CHAF1B: variants seen among roughly 807,000 people sequenced by gnomAD.
CHAF1B encodes the protein chromatin assembly factor 1 subunit B, also known as CAF-1 subunit B.
Under a neutral mutation model 60.7 loss-of-function variants are expected in CHAF1B, and 10 were observed. The observed-to-expected ratio is 0.16, with a 90% CI of 0.10 to 0.28. CHAF1B has a LOEUF of 0.28. Ranked by LOEUF, CHAF1B falls within the 10% of genes least tolerant of loss-of-function variation. CHAF1B has a pLI of 1.00. For synonymous variants in CHAF1B, 261 were observed against 266.1 expected (o/e 0.98, Z 0.19); for missense variants, 558 against 708.4 (o/e 0.79, Z 2.41).
intron 8 of CHAF1B, among the ~76,000 whole-genome samples, chr21:36,403,092 T>A (rs937633673): frequency 3.9e-5 from 6 of 152,150 alleles, no homozygotes; most frequent in Admixed American, 3.9e-4. Flanking sequence ...TAAGAAGATT[T>A]CCAAGTGATT....
At position 36,411,607 on chromosome 21, in the gene CHAF1B, G is replaced by A. The variant is rs1481353939; in HGVS notation, c.1061+3G>A. ...CACACCCTCAGTGACATTTCATGGTGAGTGGCTGCTAATGAGGGAGAGTGA... is the reference window on the plus strand; with the variant it reads ...CACACCCTCAGTGACATTTCATGGTAAGTGGCTGCTAATGAGGGAGAGTGA... On this transcript the variant is annotated splice_donor_region_variant and intron_variant, in intron 11 of 13. Coordinates refer to ENST00000314103, the MANE Select transcript of CHAF1B (RefSeq NM_005441.3). 1.2e-6 allele frequency: 2 copies of A among 1,613,970 alleles called. No homozygotes were observed. The highest frequency in any genetic ancestry group is 1.7e-5 in the Admixed American group (1 of 60,000).
At chr21:36,401,405 AT>A (rs562457790) in intron 7 of CHAF1B, among the ~76,000 whole-genome samples, 6 of 120,776 alleles carry the variant, frequency 5.0e-5, no homozygotes, top group African/African-American at 1.3e-4. Context: ...CATAATATAT[AT>A]TTTTATATTA....
chr21:36,386,003 A>G (rs1353536078), intron 1 of CHAF1B, 57 bp from the exon 2 acceptor site: 2 of 1,063,194 alleles, frequency 1.9e-6, no homozygotes, highest in Admixed American at 2.2e-5. Flanking sequence ...CCTGGCCCCT[A>G]TTCAGCGCTC....
chr21:36,402,970 C>A, intron 8 of CHAF1B, 119 bp downstream of exon 8: 1 of 786,620 alleles, frequency 1.3e-6, no homozygotes. Flanking sequence ...CCCCGACTTA[C>A]CTGCCCATTG....
chr21:36,400,488 T>A (rs1057188733), intron 7 of CHAF1B, among the ~76,000 whole-genome samples: 1 of 151,712 alleles, frequency 6.6e-6, no homozygotes, highest in African/African-American at 2.4e-5. Flanking sequence ...AATAAATAAA[T>A]AAAAATAAAA....
chr21:36,392,079 G>A (rs769945020), intron 4 of CHAF1B, among the ~76,000 whole-genome samples: 3 of 151,808 alleles, frequency 2.0e-5, no homozygotes, highest in Admixed American at 6.6e-5. Flanking sequence ...GTGGCCTTCC[G>A]CAGTGTTTGT....
intron 4 of CHAF1B, 43 bp from the exon 5 acceptor site, chr21:36,394,504 C>G (rs765861890): frequency 3.4e-5 from 47 of 1,375,920 alleles, no homozygotes; most frequent in Non-Finnish European, 4.9e-5. Context: ...GCTGCTATAC[C>G]TGGGGAGTAA....
At chr21:36,410,931 A>G (rs2086273739) in intron 10 of CHAF1B, among the ~76,000 whole-genome samples, 1 of 151,940 alleles carries the variant, frequency 6.6e-6, no homozygotes, top group Non-Finnish European at 1.5e-5. Flanking sequence ...CTTGCTTCTT[A>G]AGCATATAGA....
chr21:36,411,465 G>A lies in CHAF1B; in HGVS notation c.922G>A (p.Val308Met), dbSNP rs768073624. 1.6e-5 allele frequency: 26 copies of A among 1,613,700 alleles called. No individual in the cohort carries two copies. Among genetic ancestry groups the A allele is most frequent in the Non-Finnish European group, 2.1e-5 (25 of 1,179,986 alleles). Residue 308 changes from valine to methionine, a missense_variant and splice_region_variant, in exon 11 of 14, where the codon GTG becomes ATG. Around this residue, in one of 2 missense-constraint regions of CHAF1B, gnomAD observed 325 missense variants for 493.5 expected, o/e 0.66. Transcript: ENST00000314103. ...FELRPVVETG[V>M]ELMSLPYRLV... ...TTGTCTCTGTCCCCAACCCCCAGGT[G>A]TGGAGCTGATGAGTCTGCCCTACCG...
At chr21:36,397,719 C>CT (rs397866716) in intron 6 of CHAF1B, 13,649 of 133,768 alleles carry the variant, frequency 0.1, 1,302 homozygotes, top group African/African-American at 0.25. Context: ...CTTAGTAAAT[C>CT]TTTTTTTTTT....
intron 3 of CHAF1B, among the ~76,000 whole-genome samples, chr21:36,389,329 G>A (rs2086063081): frequency 6.6e-6 from 1 of 152,102 alleles, no homozygotes; most frequent in African/African-American, 2.4e-5. Context: ...CAGGCTGGGC[G>A]CGGTCGCTCA....
intron 4 of CHAF1B, among the ~76,000 whole-genome samples, chr21:36,391,976 G>A (rs2086093874): frequency 6.8e-6 from 1 of 146,278 alleles, no homozygotes; most frequent in Non-Finnish European, 1.5e-5. Context: ...CTCGGAGAGG[G>A]GGATTTGGCA....
In CHAF1B at chr21:36,413,313, C is replaced by T; in HGVS notation, c.1491C>T (p.Pro497=). ...NTLQAWSKTT[P]RRINLTPLKT... ...TGCAAGCCTGGAGCAAGACAACACC[C>T]CGGTAAGAACTTGTTGGAACAAGAT... Residue 497 remains proline, a splice_region_variant and synonymous_variant, in exon 12 of 14, where the codon CCC becomes CCT. Transcript: ENST00000314103. 6.4e-7 allele frequency: 1 copy of T among 1,560,472 alleles called. No individual in the cohort carries two copies. The highest frequency in any genetic ancestry group is 8.7e-7 in the Non-Finnish European group (1 of 1,155,848).
intron 4 of CHAF1B, among the ~76,000 whole-genome samples, chr21:36,392,546 C>A (rs1458758408): frequency 3.5e-5 from 5 of 144,286 alleles, no homozygotes; most frequent in African/African-American, 5.2e-5. Context: ...GCTGGCCGGG[C>A]GGGGGCTGCC....
At chr21:36,407,720 G>T (rs569103378) in intron 8 of CHAF1B, among the ~76,000 whole-genome samples, 18 of 152,268 alleles carry the variant, frequency 1.2e-4, no homozygotes, top group African/African-American at 3.6e-4. Context: ...ACTCACGCCT[G>T]TAATCCCAGC....
chr21:36,393,209 CGGGAGA>C (rs898830673), intron 4 of CHAF1B, among the ~76,000 whole-genome samples: 1 of 151,734 alleles, frequency 6.6e-6, no homozygotes, highest in African/African-American at 2.4e-5. Flanking sequence ...GTGGAGAGAG[CGGGAGA>C]GGGAGAGGGA....
chr21:36,403,455 TAAAAAA>T (rs71326686), intron 8 of CHAF1B, among the ~76,000 whole-genome samples: 11 of 77,448 alleles, frequency 1.4e-4, no homozygotes, highest in Admixed American at 6.7e-4. Flanking sequence ...ATATCTTATC[TAAAAAA>T]AAAAAAAAAA....
At chr21:36,392,667 C>T (rs567218099) in intron 4 of CHAF1B, among the ~76,000 whole-genome samples, 25 of 150,480 alleles carry the variant, frequency 1.7e-4, no homozygotes, top group East Asian at 7.9e-4. Context: ...GGCTGCCGGG[C>T]GGAGGGGCTC....
At chr21:36,399,671 C>T in intron 7 of CHAF1B, 66 bp downstream of exon 7, 6 of 1,277,996 alleles carry the variant, frequency 4.7e-6, no homozygotes, top group Non-Finnish European at 6.8e-6. Context: ...TCATGAGCTC[C>T]TCCCATACCC....
Sources: allele counts gnomAD v4.1 joint callset (sites outside exome capture counted in the v4.1 genomes callset), GRCh38; gene constraint gnomAD v4.1.1; regional missense constraint gnomAD v4.1.1; transcripts MANE v1.5; gene names NCBI Gene and HGNC (gene_info 2026-07-23, HGNC 2026-07-21).